GABARAPL2: variants seen among roughly 807,000 people sequenced by gnomAD.
GABARAPL2 encodes GABA type A receptor associated protein like 2.
A neutral mutation model predicts 16.9 loss-of-function variants in GABARAPL2; 11 were observed. The ratio of observed to expected loss-of-function variants is 0.65; its 90% CI spans 0.41 to 1.08. GABARAPL2 has a LOEUF of 1.08. Among genes scored for constraint, GABARAPL2 ranks in the 50% least tolerant of loss-of-function variants. The pLI is 0.00. For synonymous variants in GABARAPL2, 57 were observed against 50.7 expected, an observed-to-expected ratio of 1.12 and a Z score of -0.53; for missense variants, 134 against 142.5, an observed-to-expected ratio of 0.94 and a Z score of 0.30.
intron 3 of GABARAPL2, among the ~76,000 whole-genome samples, chr16:75,569,733 C>T (rs2151717687): frequency 6.6e-6 from 1 of 152,300 alleles, no homozygotes. Flanking sequence ...GATGGCTCCA[C>T]AGTAATCTAG....
At position 75,577,680 on chromosome 16, in the gene GABARAPL2, A is replaced by G. The variant is rs1164024960; in HGVS notation, c.*311A>G. ...TAGGTGCGGTATTAAAGTGAAAGGGAAGGTGATGCATTTATTCTGGGTTAT... is the reference window on the plus strand; with the variant it reads ...TAGGTGCGGTATTAAAGTGAAAGGGGAGGTGATGCATTTATTCTGGGTTAT... On this transcript the variant is annotated 3_prime_UTR_variant, in exon 4 of 4. Coordinates refer to ENST00000037243, the MANE Select transcript of GABARAPL2 (RefSeq NM_007285.7). 3 of 227,464 alleles carry G rather than the reference A, an allele frequency of 1.3e-5. No individual in the cohort carries two copies. The highest frequency in any genetic ancestry group is 4.5e-5 in the African/African-American group (2 of 44,106). 14.1% of individuals were successfully genotyped at this position (227,464 alleles called of 1,614,324 possible).
intron 3 of GABARAPL2, among the ~76,000 whole-genome samples, chr16:75,574,105 T>C (rs2080932459): frequency 6.6e-6 from 1 of 152,206 alleles, no homozygotes; most frequent in Non-Finnish European, 1.5e-5. Flanking sequence ...CACATGATTG[T>C]GGGCCTCCTG....
At chr16:75,571,540 AC>A (rs1303079154) in intron 3 of GABARAPL2, among the ~76,000 whole-genome samples, 3 of 152,188 alleles carry the variant, frequency 2.0e-5, no homozygotes, top group African/African-American at 7.2e-5. Context: ...GGACAGAGTA[AC>A]CAGAAATCCA....
rs1056715315 is a variant in GABARAPL2, at chr16:75,577,310, A to G, written c.295A>G (p.Lys99Glu). ...TATGGGACAGCTTTACGAGAAGGAA[A>G]AAGATGAAGATGGATTCTTATATGT... is the stretch of plus-strand genomic sequence containing the variant. ...LTMGQLYEKE[K>E]DEDGFLYVAY... Residue 99 changes from lysine (K) to glutamate (E), a missense_variant, in exon 4 of 4, where the codon AAA becomes GAA. Coordinates refer to ENST00000037243, the MANE Select transcript of GABARAPL2 (RefSeq NM_007285.7). 2 of 1,612,776 alleles carry G rather than the reference A, an allele frequency of 1.2e-6. No homozygotes were observed. Among genetic ancestry groups the G allele is most frequent in the Non-Finnish European group, 1.7e-6 (2 of 1,178,740 alleles).
intron 3 of GABARAPL2, chr16:75,572,692 G>T (rs1275471746): frequency 6.6e-6 from 1 of 152,216 alleles, no homozygotes; most frequent in African/African-American, 2.4e-5. Flanking sequence ...TTAGGGGGCA[G>T]TTTAAATTCA....
rs2080955179 is a variant in GABARAPL2 at position 75,577,268 on chromosome 16, T to C, written c.264-11T>C. 1.3e-6 allele frequency: 2 copies of C among 1,574,920 alleles called. No homozygotes were observed. The highest frequency in any genetic ancestry group is 1.7e-6 in the Non-Finnish European group (2 of 1,144,200). ...CAATTTTCAATGACGTTTTTGTTTT[T>C]CTCTTTCAAGCCTAACTATGGGACA... On this transcript the variant is annotated splice_polypyrimidine_tract_variant and intron_variant, in intron 3 of 3. Transcript: ENST00000037243.
intron 3 of GABARAPL2, among the ~76,000 whole-genome samples, chr16:75,569,324 A>G (rs1460847375): frequency 2.6e-5 from 4 of 152,290 alleles, no homozygotes; most frequent in Admixed American, 2.6e-4. Context: ...CAACCTGAGG[A>G]GACACCCCAG....
rs2080957083 is a variant in GABARAPL2 at position 75,577,497 on chromosome 16, T to G, written c.*128T>G. ...TGCATTTGTAACTGGATTTATTTCT[T>G]AATATATTGGAAGGTTTTGTTTCCT... On this transcript the variant is annotated 3_prime_UTR_variant, in exon 4 of 4. Transcript: ENST00000037243. The G allele has an allele frequency of 3.1e-6, 2 of 636,906 alleles. No individual in the cohort carries two copies. Among genetic ancestry groups the G allele is most frequent in the Non-Finnish European group, 5.7e-6 (2 of 351,186 alleles). The allele number at this position is 636,906 out of a possible 1,614,324, so 39.5% of individuals were successfully genotyped here.
intron 3 of GABARAPL2, among the ~76,000 whole-genome samples, chr16:75,573,646 T>G (rs1229804340): frequency 6.6e-6 from 1 of 152,266 alleles, no homozygotes; most frequent in African/African-American, 2.4e-5. Context: ...ATGCAGAGAC[T>G]GGCAGCAGTC....
intron 3 of GABARAPL2, among the ~76,000 whole-genome samples, chr16:75,574,819 G>A (rs1328923352): frequency 6.7e-6 from 1 of 149,630 alleles, no homozygotes; most frequent in African/African-American, 2.5e-5. Flanking sequence ...GAGGTCAGGA[G>A]TTCAAGACCA....
At chr16:75,568,361 A>G (rs777501069) in intron 3 of GABARAPL2, 152 bp downstream of exon 3, 1 of 563,792 alleles carries the variant, frequency 1.8e-6, no homozygotes. Context: ...CCAGGAAAAT[A>G]ATGGCTGCAA....
rs142130241 is a variant in GABARAPL2 at position 75,577,099 on chromosome 16, T to C, written c.264-180T>C. On this transcript the variant is annotated intron_variant, in intron 3 of 3. Coordinates refer to ENST00000037243, the MANE Select transcript of GABARAPL2 (RefSeq NM_007285.7). ...GAGGATGTCAAATGGCTTTGCCTTCTGCAGACTTCATTTATTTTAATCTTT... is the reference window on the plus strand; with the variant it reads ...GAGGATGTCAAATGGCTTTGCCTTCCGCAGACTTCATTTATTTTAATCTTT... The C allele has an allele frequency of 4.8e-4, 260 of 540,612 alleles. No homozygotes were observed. In the East Asian group the frequency reaches 7.9e-3, roughly 16 times the overall value. The allele number at this position is 540,612 out of a possible 1,614,324, so 33.5% of individuals were successfully genotyped here.
intron 1 of GABARAPL2, 123 bp downstream of exon 1, chr16:75,566,643 C>T (rs971681521): frequency 2.6e-6 from 3 of 1,175,542 alleles, no homozygotes; most frequent in Non-Finnish European, 3.7e-6. Context: ...CTGGAGTCGC[C>T]CATGCCCTGG....
At position 75,566,504 on chromosome 16, in the gene GABARAPL2, G is replaced by A. The variant is rs1567444277; in HGVS notation, c.18G>A (p.Lys6=). MKWMF[K]EDHSLEHRCV... ...CCGCCGCCATGAAGTGGATGTTCAA[G>A]GAGGACCACTCGCTGGGTAAGCACT... Residue 6 remains lysine, a synonymous_variant, in exon 1 of 4, where the codon AAG becomes AAA. Coordinates refer to ENST00000037243, the MANE Select transcript of GABARAPL2 (RefSeq NM_007285.7). The A allele has an allele frequency of 6.2e-7, 1 of 1,609,056 alleles. No individual in the cohort carries two copies. Among genetic ancestry groups the A allele is most frequent in the Non-Finnish European group, 8.5e-7 (1 of 1,178,254 alleles).
Position 75,566,385 on chromosome 16 carries a change from C to T in GABARAPL2, c.-102C>T, listed in dbSNP as rs990461282. On this transcript the variant is annotated 5_prime_UTR_variant, in exon 1 of 4. Transcript: ENST00000037243. ...GAAGTCCCGCCTGCCGTGTAGTCGCCGCCGTCGCTGCCGCTGCCGCTGCCG... is the reference window on the plus strand; with the variant it reads ...GAAGTCCCGCCTGCCGTGTAGTCGCTGCCGTCGCTGCCGCTGCCGCTGCCG... 2.1e-5 allele frequency: 18 copies of T among 862,284 alleles called. No individual in the cohort carries two copies. The highest frequency in any genetic ancestry group is 1.1e-4 in the Admixed American group (5 of 45,802). 53.4% of individuals were successfully genotyped at this position (862,284 alleles called of 1,614,324 possible). A position where few individuals can be genotyped will look rare whatever the true frequency, so the allele number is the denominator to read the frequency against.
chr16:75,566,969 G>A, intron 2 of GABARAPL2, 62 bp downstream of exon 2: 3 of 1,331,688 alleles, frequency 2.3e-6, no homozygotes, highest in Non-Finnish European at 3.2e-6. Context: ...CCCGTGATAG[G>A]CCCCAGGCCA....
At position 75,566,475 on chromosome 16, in the gene GABARAPL2, C is replaced by CCCG; in HGVS notation, c.-3_-1dup. On this transcript the variant is annotated 5_prime_UTR_variant, in exon 1 of 4. Coordinates refer to ENST00000037243, the MANE Select transcript of GABARAPL2 (RefSeq NM_007285.7). ...CTCCGCGAGCCGGTTCCGTCCCCTT[C>CCCG]CCGCCGCCGCCATGAAGTGGATGTT... 4 of 1,604,078 alleles carry CCCG rather than the reference C, an allele frequency of 2.5e-6. No homozygotes were observed. Among genetic ancestry groups the CCCG allele is most frequent in the Non-Finnish European group, 3.4e-6 (4 of 1,175,738 alleles).
Position 75,577,543 on chromosome 16 carries a change from C to T in GABARAPL2, c.*174C>T, listed in dbSNP as rs536529097. The T allele has an allele frequency of 7.4e-6, 4 of 543,016 alleles. No homozygotes were observed. Among genetic ancestry groups the T allele is most frequent in the South Asian group, 2.6e-5 (1 of 38,528 alleles). 33.6% of individuals were successfully genotyped at this position (543,016 alleles called of 1,614,324 possible). On this transcript the variant is annotated 3_prime_UTR_variant, in exon 4 of 4. Coordinates refer to ENST00000037243, the MANE Select transcript of GABARAPL2 (RefSeq NM_007285.7). ...TTCCTTAGACTAGTAAATTATCATA[C>T]AGAGTTTTATTTTGAGTTTTTCTTT... is the stretch of plus-strand genomic sequence containing the variant.
chr16:75,571,824 T>G (rs1051555924), intron 3 of GABARAPL2, among the ~76,000 whole-genome samples: 1 of 151,086 alleles, frequency 6.6e-6, no homozygotes, highest in African/African-American at 2.4e-5. Context: ...TACAGGCGAC[T>G]GCCACCACGC....
Sources: allele counts gnomAD v4.1 joint callset (sites outside exome capture counted in the v4.1 genomes callset), GRCh38; gene constraint gnomAD v4.1.1; transcripts MANE v1.5; gene names NCBI Gene and HGNC (gene_info 2026-07-23, HGNC 2026-07-21).